HERC1: variants seen among roughly 807,000 people sequenced by gnomAD.
The protein encoded by HERC1 is probable E3 ubiquitin-protein ligase HERC1.
In HERC1, 160 loss-of-function variants were observed where a neutral mutation model predicts 554.3. That is an observed-to-expected ratio of 0.29 (90% CI 0.25 to 0.33). HERC1 has a LOEUF of 0.33. Among genes scored for constraint, HERC1 ranks in the 10% least tolerant of loss-of-function variants. The pLI is 1.00. For synonymous variants in HERC1, 2,175 were observed against 2,131.7 expected, an observed-to-expected ratio of 1.02 and a Z score of -0.56; for missense variants, 4,919 against 5,918.5, an observed-to-expected ratio of 0.83 and a Z score of 5.54.
At chr15:63,721,144 T>C (rs1395962986) in intron 19 of HERC1, among the ~76,000 whole-genome samples, 1 of 152,094 alleles carries the variant, frequency 6.6e-6, no homozygotes, top group Admixed American at 6.5e-5. Context: ...AGAAAATACA[T>C]CTTAGAAAGT....
intron 1 of HERC1, among the ~76,000 whole-genome samples, chr15:63,776,316 C>A (rs993830204): frequency 5.3e-5 from 8 of 152,284 alleles, no homozygotes; most frequent in Admixed American, 2.6e-4. Flanking sequence ...ACCACCACCC[C>A]ACCCAAACCT....
At chr15:63,716,717 A>G (rs1170582830) in intron 21 of HERC1, among the ~76,000 whole-genome samples, 2 of 152,204 alleles carry the variant, frequency 1.3e-5, no homozygotes, top group Non-Finnish European at 2.9e-5. Flanking sequence ...ATCATGCTGT[A>G]AATTTATTCA....
rs1268279205 is a variant in HERC1 at position 63,616,574 on chromosome 15, G to A, written c.13797C>T (p.His4599=). The change falls in exon 75 of 78, where the codon CAC becomes CAT. Residue 4599 remains histidine, a synonymous_variant. Coordinates refer to ENST00000443617, the MANE Select transcript of HERC1 (RefSeq NM_003922.4). ...AIRTKKPLDL[H]LAPLVWKQLC... ...GCTGCTTCCACACCAGAGGGGCCAA[G>A]TGGAGGTCCAGAGGCTTCTTTGTGC... 2 of 1,614,004 alleles carry A rather than the reference G, an allele frequency of 1.2e-6. No homozygotes were observed. Among genetic ancestry groups the A allele is most frequent in the Admixed American group, 1.7e-5 (1 of 60,024 alleles).
At chr15:63,786,909 A>G (rs1228719975) in intron 1 of HERC1, among the ~76,000 whole-genome samples, 2 of 150,846 alleles carry the variant, frequency 1.3e-5, no homozygotes, top group African/African-American at 4.9e-5. Context: ...ACTTCAACTC[A>G]ATAAATTATT....
At chr15:63,638,837 C>G in intron 61 of HERC1, 61 bp from the exon 62 acceptor site, 1 of 1,123,720 alleles carries the variant, frequency 8.9e-7, no homozygotes, top group Admixed American at 1.7e-5. Flanking sequence ...CTGCTCTTAA[C>G]CACAAAGTCC....
chr15:63,816,925 T>C (rs1207014635), intron 1 of HERC1, among the ~76,000 whole-genome samples: 1 of 152,128 alleles, frequency 6.6e-6, no homozygotes, highest in East Asian at 1.9e-4. Flanking sequence ...AGACCTTACA[T>C]ATCTCCCGAT....
At chr15:63,637,349 A>T (rs1470843836) in intron 64 of HERC1, among the ~76,000 whole-genome samples, 156 bp downstream of exon 64, 1 of 152,254 alleles carries the variant, frequency 6.6e-6, no homozygotes, top group African/African-American at 2.4e-5. Context: ...AAATATGGAA[A>T]TTAAGGCTGC....
At chr15:63,721,221 A>C (rs2073804432) in intron 19 of HERC1, among the ~76,000 whole-genome samples, 1 of 152,124 alleles carries the variant, frequency 6.6e-6, no homozygotes, top group South Asian at 2.1e-4. Context: ...TGAATGAATA[A>C]ATGATTAACA....
Position 63,633,943 on chromosome 15 carries a change from C to A in HERC1, c.12598G>T (p.Ala4200Ser), listed in dbSNP as rs1483591796. ...ACCATGGAACCATCTGCTGACACTG[C>A]CAAAGTGTGGTTTAATCCACAGGCC... Reference protein sequence around the residue: ...QVACGLNHTLAVSADGSMVWA... With the variant: ...QVACGLNHTLSVSADGSMVWA... The change falls in exon 67 of 78, where the codon GCA becomes TCA. Residue 4200 changes from alanine to serine, a missense_variant. Coordinates refer to ENST00000443617, the MANE Select transcript of HERC1 (RefSeq NM_003922.4). The A allele has an allele frequency of 6.2e-7, 1 of 1,613,872 alleles. No individual in the cohort carries two copies. The highest frequency in any genetic ancestry group is 8.5e-7 in the Non-Finnish European group (1 of 1,179,822).
chr15:63,789,191 C>T (rs1307203923), intron 1 of HERC1, among the ~76,000 whole-genome samples: 6 of 143,298 alleles, frequency 4.2e-5, no homozygotes, highest in African/African-American at 1.5e-4. Flanking sequence ...CCCGGGTTCA[C>T]GCCATTCTCC....
Position 63,686,424 on chromosome 15 carries a change from C to T in HERC1, c.6160G>A (p.Gly2054Ser), listed in dbSNP as rs2071767620. ...LVENGQILTH[G>S]SGGKGYGLAS... ...AATCCATATCCTTTCCCTCCACTGC[C>T]GTGAGTTAAAATCTGTCCATTCTCC... is the stretch of plus-strand genomic sequence containing the variant. The change falls in exon 34 of 78, where the codon GGC becomes AGC. Residue 2054 changes from glycine (G) to serine (S), a missense_variant. Physicochemically the swap from Gly to Ser is moderately conservative, Grantham distance 56. Coordinates refer to ENST00000443617, the MANE Select transcript of HERC1 (RefSeq NM_003922.4). The T allele has an allele frequency of 1.2e-6, 2 of 1,613,704 alleles. No homozygotes were observed. Among genetic ancestry groups the T allele is most frequent in the Admixed American group, 1.7e-5 (1 of 59,980 alleles).
Position 63,749,324 on chromosome 15 carries a change from T to C in HERC1, c.2219+43A>G. ...AGTGTTTCTACTTTTTATTGGTGTT[T>C]ATGTTAAAACACACAAGAATTTTTA... On this transcript the variant is annotated intron_variant, in intron 10 of 77. Coordinates refer to ENST00000443617, the MANE Select transcript of HERC1 (RefSeq NM_003922.4). This position sits in a 1 kb window ranked among gnomAD's most constrained non-coding sequence, Gnocchi z 4.1. The C allele has an allele frequency of 6.9e-7, 1 of 1,455,174 alleles. No homozygotes were observed. 90.1% of individuals were successfully genotyped at this position (1,455,174 alleles called of 1,614,324 possible).
At chr15:63,765,502 T>C (rs1428056608) in intron 2 of HERC1, among the ~76,000 whole-genome samples, 3 of 152,112 alleles carry the variant, frequency 2.0e-5, no homozygotes, top group African/African-American at 7.2e-5. Context: ...AATACTGATC[T>C]TAAGTCTAAA....
intron 1 of HERC1, among the ~76,000 whole-genome samples, chr15:63,812,525 G>T (rs933396744): frequency 3.3e-5 from 5 of 152,138 alleles, no homozygotes; most frequent in African/African-American, 9.7e-5. Context: ...GAAATGGGAA[G>T]TTTCTCCTGT....
chr15:63,782,679 C>T (rs74994104), intron 1 of HERC1, among the ~76,000 whole-genome samples: 1,875 of 152,330 alleles, frequency 0.012, 35 homozygotes, highest in African/African-American at 0.043. Flanking sequence ...AAGGCTATAG[C>T]TGCCACAGAT....
At chr15:63,631,702 G>A (rs1028652761) in intron 68 of HERC1, among the ~76,000 whole-genome samples, 23 of 152,104 alleles carry the variant, frequency 1.5e-4, no homozygotes, top group Admixed American at 1.3e-3. Context: ...CACCACGCTC[G>A]GCTAATTTTT....
In HERC1 at chr15:63,767,555, G is replaced by T. The variant is rs76226628; in HGVS notation, c.931-3364C>A. Reference sequence around the variant, plus strand: ...CTACTAAAAATACAAAATTTTAGCCGGGCGTGGTGGCGGGCACCTGTAGTC... The same window carrying T: ...CTACTAAAAATACAAAATTTTAGCCTGGCGTGGTGGCGGGCACCTGTAGTC... On this transcript the variant is annotated intron_variant, in intron 2 of 77. Transcript: ENST00000443617. 7.8e-3 allele frequency among the ~76,000 whole-genome samples: 1,184 copies of T among 152,112 alleles called. 9 individuals carry two copies. The highest frequency in any genetic ancestry group is 0.028 in the African/African-American group (1,148 of 41,510).
intron 24 of HERC1, among the ~76,000 whole-genome samples, chr15:63,707,550 G>A (rs2073073745): frequency 1.3e-5 from 2 of 152,092 alleles, no homozygotes; most frequent in Non-Finnish European, 2.9e-5. Context: ...TTAAGCTTGT[G>A]CATAGACTTG....
At chr15:63,662,517 C>CATGT (rs1408673912) in intron 44 of HERC1, among the ~76,000 whole-genome samples, 2 of 152,144 alleles carry the variant, frequency 1.3e-5, no homozygotes, top group Non-Finnish European at 1.5e-5. Context: ...ACAAATCCAC[C>CATGT]ATGTACCTTG....
Sources: allele counts gnomAD v4.1 joint callset (sites outside exome capture counted in the v4.1 genomes callset), GRCh38; gene constraint gnomAD v4.1.1; non-coding constraint Gnocchi (gnomAD v3.1); transcripts MANE v1.5; gene names NCBI Gene and HGNC (gene_info 2026-07-23, HGNC 2026-07-21).